SUGCT: variants seen among roughly 807,000 people sequenced by gnomAD.
SUGCT encodes succinyl-CoA:glutarate CoA-transferase.
Under a neutral mutation model 55.0 loss-of-function variants are expected in SUGCT, and 41 were observed. The observed-to-expected ratio is 0.74, with a 90% CI of 0.58 to 0.97. The LOEUF is 0.97. Ranked by LOEUF, SUGCT falls within the 50% of genes least tolerant of loss-of-function variation. The pLI is 0.00. For missense variants in SUGCT, 568 were observed against 547.8 expected, an observed-to-expected ratio of 1.04 and a Z score of -0.37; for synonymous variants, 187 against 200.4, an observed-to-expected ratio of 0.93 and a Z score of 0.56.
intron 6 of SUGCT, 82 bp downstream of exon 6, chr7:40,195,142 G>GT: frequency 7.6e-7 from 1 of 1,324,278 alleles, no homozygotes. Context: ...CCTTTTGCTG[G>GT]CTTTTTTTTT....
At chr7:41,009,299 A>T in the SUGCT span, among the ~76,000 whole-genome samples, 13 of 151,904 alleles carry the variant, frequency 8.6e-5, no homozygotes, top group Non-Finnish European at 1.8e-4. Flanking sequence ...TATGTTAATT[A>T]TTAATTCTCA....
chr7:40,301,186 A>G (rs1053269826), intron 8 of SUGCT, among the ~76,000 whole-genome samples: 2 of 152,214 alleles, frequency 1.3e-5, no homozygotes, highest in African/African-American at 4.8e-5. Flanking sequence ...CCATGAGGAC[A>G]GAAAATTCAT....
intron 12 of SUGCT, among the ~76,000 whole-genome samples, chr7:40,516,341 G>A (rs759501787): frequency 2.1e-4 from 32 of 151,980 alleles, no homozygotes; most frequent in Non-Finnish European, 4.3e-4. Flanking sequence ...TTTTAGTTTT[G>A]ATGAAGCACT....
At chr7:40,276,937 C>T (rs1326132242) in intron 8 of SUGCT, among the ~76,000 whole-genome samples, 1 of 152,044 alleles carries the variant, frequency 6.6e-6, no homozygotes, top group African/African-American at 2.4e-5. Flanking sequence ...ATTCCCAGCC[C>T]AGCCTTTGTC....
At chr7:40,981,151 AC>A in the SUGCT span, among the ~76,000 whole-genome samples, 1 of 152,128 alleles carries the variant, frequency 6.6e-6, no homozygotes, top group Non-Finnish European at 1.5e-5. Context: ...TCTGAAACTT[AC>A]GTGGAGGCAG....
the SUGCT span, among the ~76,000 whole-genome samples, chr7:41,014,433 A>G: frequency 2.0e-5 from 3 of 152,218 alleles, no homozygotes; most frequent in African/African-American, 7.2e-5. Context: ...TCCTTCTCCA[A>G]TTTCACACTG....
intron 12 of SUGCT, among the ~76,000 whole-genome samples, chr7:40,503,576 A>C (rs539761296): frequency 1.2e-4 from 18 of 152,148 alleles, no homozygotes; most frequent in Non-Finnish European, 2.1e-4. Context: ...AAATAAGAGG[A>C]GAAAGGGAGA....
intron 11 of SUGCT, among the ~76,000 whole-genome samples, chr7:40,463,898 T>C (rs1170359259): frequency 6.6e-6 from 1 of 152,034 alleles, no homozygotes; most frequent in Admixed American, 6.6e-5. Context: ...GAAGAGGAGA[T>C]ATAATGGAGA....
chr7:40,162,511 C>G (rs370844206), intron 1 of SUGCT, among the ~76,000 whole-genome samples: 115 of 151,920 alleles, frequency 7.6e-4, no homozygotes, highest in African/African-American at 2.7e-3. Context: ...GGGTCTTCCT[C>G]TGTTGCCCAG....
At chr7:40,788,013 C>A (rs1790118029) in intron 13 of SUGCT, among the ~76,000 whole-genome samples, 1 of 152,130 alleles carries the variant, frequency 6.6e-6, no homozygotes, top group Non-Finnish European at 1.5e-5. Flanking sequence ...CTGTTATCTT[C>A]CAGCAGTAAT....
chr7:40,267,709 C>T (rs1247580938), intron 7 of SUGCT, among the ~76,000 whole-genome samples: 5 of 151,990 alleles, frequency 3.3e-5, no homozygotes, highest in African/African-American at 9.7e-5. Flanking sequence ...TCTTCTTGCA[C>T]CTGGGAATAC....
At chr7:40,444,901 A>G (rs1177919882) in intron 9 of SUGCT, among the ~76,000 whole-genome samples, 1 of 152,206 alleles carries the variant, frequency 6.6e-6, no homozygotes, top group Non-Finnish European at 1.5e-5. Flanking sequence ...ACATCCCACC[A>G]ATACCTCGTT....
At chr7:40,407,862 G>A (rs1330556778) in intron 9 of SUGCT, among the ~76,000 whole-genome samples, 1 of 152,150 alleles carries the variant, frequency 6.6e-6, no homozygotes, top group Non-Finnish European at 1.5e-5. Context: ...TCATTCCCTA[G>A]TGATGCTGGA....
intron 13 of SUGCT, among the ~76,000 whole-genome samples, chr7:40,810,707 C>G (rs1011644265): frequency 2.0e-5 from 3 of 152,066 alleles, no homozygotes; most frequent in African/African-American, 7.2e-5. Flanking sequence ...TCTCCCATTC[C>G]ATAGGTCATC....
chr7:40,767,801 A>C (rs571514221), intron 13 of SUGCT, among the ~76,000 whole-genome samples: 2 of 152,330 alleles, frequency 1.3e-5, no homozygotes. Flanking sequence ...CCACAAGGCC[A>C]GTATTCAAAA....
At chr7:40,441,909 A>C (rs1272374023) in intron 9 of SUGCT, among the ~76,000 whole-genome samples, 2 of 151,434 alleles carry the variant, frequency 1.3e-5, no homozygotes, top group Admixed American at 6.6e-5. Flanking sequence ...TTATCTTAGT[A>C]CTCTGAGTGA....
intron 10 of SUGCT, among the ~76,000 whole-genome samples, chr7:40,454,213 T>A (rs1174408319): frequency 2.0e-5 from 3 of 152,212 alleles, no homozygotes; most frequent in African/African-American, 7.2e-5. Context: ...GTCATTGTAG[T>A]CCCAGAATGA....
intron 13 of SUGCT, among the ~76,000 whole-genome samples, chr7:40,815,388 C>T (rs746087217): frequency 6.6e-6 from 1 of 152,238 alleles, no homozygotes; most frequent in Non-Finnish European, 1.5e-5. Context: ...AGAATAGGTA[C>T]TCCAGATGCC....
chr7:40,961,012 C>T, the SUGCT span, among the ~76,000 whole-genome samples: 1 of 152,172 alleles, frequency 6.6e-6, no homozygotes. Context: ...GATTGGAAGA[C>T]TCTCTTAAGA....
Sources: allele counts gnomAD v4.1 joint callset (sites outside exome capture counted in the v4.1 genomes callset), GRCh38; gene constraint gnomAD v4.1.1; transcripts MANE v1.5; gene names NCBI Gene and HGNC (gene_info 2026-07-23, HGNC 2026-07-21).